OSBPL1A: variants seen among roughly 807,000 people sequenced by gnomAD.
The protein encoded by OSBPL1A is oxysterol-binding protein-related protein 1.
OSBPL1A carries 80 observed loss-of-function variants against 137.1 expected under a neutral mutation model. That is an observed-to-expected ratio of 0.58 (90% CI 0.49 to 0.70). The LOEUF (loss-of-function observed/expected upper bound fraction) is 0.70, where lower values mean the gene tolerates loss of function less well. Among genes scored for constraint, OSBPL1A ranks in the 30% least tolerant of loss-of-function variants. The probability of loss-of-function intolerance (pLI) is 0.00; values close to 1 mark genes in which losing one functional copy is unlikely to be tolerated. For missense variants in OSBPL1A, 970 were observed against 1,129.4 expected (o/e 0.86, Z 2.02); for synonymous variants, 365 against 389.7 (o/e 0.94, Z 0.75).
At chr18:24,334,863 T>G (rs1017603399) in intron 5 of OSBPL1A, among the ~76,000 whole-genome samples, 3 of 152,210 alleles carry the variant, frequency 2.0e-5, no homozygotes, top group Non-Finnish European at 4.4e-5. Context: ...AATTCCTCCT[T>G]TGCAGCCTCT....
intron 17 of OSBPL1A, among the ~76,000 whole-genome samples, chr18:24,199,506 GTA>G (rs1207848105): frequency 1.3e-5 from 2 of 152,040 alleles, no homozygotes; most frequent in Non-Finnish European, 2.9e-5. Context: ...CCCCCAAACA[GTA>G]TGTAAACTCC....
chr18:24,365,471 C>T (rs2091691000), intron 4 of OSBPL1A, among the ~76,000 whole-genome samples: 1 of 151,948 alleles, frequency 6.6e-6, no homozygotes, highest in African/African-American at 2.4e-5. Flanking sequence ...GTAATCCCAG[C>T]TACTTGGGAG....
At chr18:24,396,993 A>AAT (rs777955981) in intron 1 of OSBPL1A, among the ~76,000 whole-genome samples, 11 of 152,212 alleles carry the variant, frequency 7.2e-5, no homozygotes, top group Non-Finnish European at 1.5e-4. Flanking sequence ...TTAAGCTAAG[A>AAT]ATATCACACT....
intron 4 of OSBPL1A, among the ~76,000 whole-genome samples, chr18:24,365,509 G>A (rs961894978): frequency 2.6e-5 from 4 of 151,932 alleles, no homozygotes; most frequent in Middle Eastern, 3.4e-3. Context: ...GCTTGAACCC[G>A]GGAGACAGAA....
intron 17 of OSBPL1A, among the ~76,000 whole-genome samples, chr18:24,215,020 G>C (rs1021827816): frequency 6.6e-6 from 1 of 152,192 alleles, no homozygotes; most frequent in African/African-American, 2.4e-5. Context: ...TACCATCAGA[G>C]GGATAGAATT....
intron 1 of OSBPL1A, among the ~76,000 whole-genome samples, chr18:24,390,382 A>G (rs893843107): frequency 2.0e-5 from 3 of 152,240 alleles, no homozygotes; most frequent in African/African-American, 7.2e-5. Flanking sequence ...GACATATACA[A>G]GGGAATATAA....
rs1392874399 is a variant in OSBPL1A at position 24,170,451 on chromosome 18, T to C, written c.2294A>G (p.Lys765Arg). 2 of 1,614,072 alleles carry C rather than the reference T, an allele frequency of 1.2e-6. No individual in the cohort carries two copies. Among genetic ancestry groups the C allele is most frequent in the Admixed American group, 1.7e-5 (1 of 59,952 alleles). The change falls in exon 24 of 28, where the codon AAA (lysine) becomes AGA (arginine). Residue 765 changes from lysine (K) to arginine (R), a missense_variant and splice_region_variant. Lys to Arg is a conservative substitution (Grantham distance 26, BLOSUM62 2). Transcript: ENST00000319481. ...CCCATAGAGGGCACAGAGCTTCTTT[T>C]TGCTGTCAAGAAAAACTGATGTTTA... ...KVEGYIQDKS[K>R]KKLCALYGKW...
chr18:24,201,840 T>A (rs944428441), intron 17 of OSBPL1A, among the ~76,000 whole-genome samples: 6 of 152,116 alleles, frequency 3.9e-5, no homozygotes, highest in Non-Finnish European at 5.9e-5. Flanking sequence ...ATCTCCTTTA[T>A]CTACCCGCTG....
Position 24,293,989 on chromosome 18 carries a change from A to T in OSBPL1A, c.1174+9648T>A, listed in dbSNP as rs190168641. Among the ~76,000 whole-genome samples the T allele has an allele frequency of 2.2e-3, 328 of 152,270 alleles. 1 individual carries two copies. The highest frequency in any genetic ancestry group is 3.6e-3 in the Non-Finnish European group (247 of 68,024). On this transcript the variant is annotated intron_variant, in intron 14 of 27. Transcript: ENST00000319481. ...AGAAAGTGGTAAGTTTGTTTACTCA[A>T]AGCCCAGATTTTGAGGAAACAGTTT...
At chr18:24,174,250 G>A (rs2086368261) in intron 21 of OSBPL1A, among the ~76,000 whole-genome samples, 1 of 152,196 alleles carries the variant, frequency 6.6e-6, no homozygotes, top group African/African-American at 2.4e-5. Flanking sequence ...ATACCTAGGT[G>A]TGATATTGCT....
chr18:24,283,196 T>C (rs2089994689), intron 14 of OSBPL1A, among the ~76,000 whole-genome samples: 1 of 142,872 alleles, frequency 7.0e-6, no homozygotes, highest in African/African-American at 2.6e-5. Flanking sequence ...ACCTGGGACG[T>C]GGAGGTTGCA....
chr18:24,221,494 A>G (rs1489822015), intron 17 of OSBPL1A, among the ~76,000 whole-genome samples: 1 of 152,244 alleles, frequency 6.6e-6, no homozygotes, highest in Admixed American at 6.5e-5. Context: ...AAAAGTCCCT[A>G]TCATATTTCT....
chr18:24,244,707 T>TC (rs1435326349), intron 15 of OSBPL1A, among the ~76,000 whole-genome samples: 1 of 152,138 alleles, frequency 6.6e-6, no homozygotes, highest in Non-Finnish European at 1.5e-5. Context: ...GAAGGCAAAA[T>TC]CCATAGTGGC....
At chr18:24,368,423 A>G (rs749185921) in intron 2 of OSBPL1A, 51 bp from the exon 3 acceptor site, 2 of 1,369,302 alleles carry the variant, frequency 1.5e-6, no homozygotes, top group Non-Finnish European at 2.1e-6. Context: ...AGGTAATTTT[A>G]CAACGAAATT....
chr18:24,189,020 T>C (rs1300256054), intron 18 of OSBPL1A, among the ~76,000 whole-genome samples: 5 of 152,224 alleles, frequency 3.3e-5, no homozygotes, highest in Non-Finnish European at 5.9e-5. Flanking sequence ...TAGAAACTTC[T>C]ATCATTGAGA....
At chr18:24,261,238 C>T (rs2089439194) in intron 15 of OSBPL1A, among the ~76,000 whole-genome samples, 1 of 152,068 alleles carries the variant, frequency 6.6e-6, no homozygotes, top group Admixed American at 6.6e-5. Context: ...CTGATCAATA[C>T]TTGCCTGTGG....
chr18:24,317,209 A>G lies in OSBPL1A; in HGVS notation c.810T>C (p.Pro270=). 6.2e-7 allele frequency: 1 copy of G among 1,613,842 alleles called. No individual in the cohort carries two copies. Among genetic ancestry groups the G allele is most frequent in the Non-Finnish European group, 8.5e-7 (1 of 1,179,788 alleles). The part of the protein sequence containing the change: ...HGVLSWYRKQ[P]DAVHNIYRQG... ...GGCGATAAATATTATGAACTGCATCAGGCCTTCAAAATAAAAATGAAATTA... is the reference window on the plus strand; with the variant it reads ...GGCGATAAATATTATGAACTGCATCGGGCCTTCAAAATAAAAATGAAATTA... Residue 270 remains proline (P), a synonymous_variant, in exon 11 of 28, where the codon CCT becomes CCC. Coordinates refer to ENST00000319481, the MANE Select transcript of OSBPL1A (RefSeq NM_080597.4).
intron 1 of OSBPL1A, among the ~76,000 whole-genome samples, chr18:24,392,802 C>T (rs1303711609): frequency 1.3e-5 from 2 of 152,104 alleles, no homozygotes; most frequent in Admixed American, 6.5e-5. Context: ...GCAATCCTCC[C>T]ATCTTGGCCT....
At chr18:24,362,036 A>T (rs2146187696) in intron 4 of OSBPL1A, among the ~76,000 whole-genome samples, 1 of 151,850 alleles carries the variant, frequency 6.6e-6, no homozygotes, top group Non-Finnish European at 1.5e-5. Context: ...GACAAAAATA[A>T]CACTAATACA....
Sources: allele counts gnomAD v4.1 joint callset (sites outside exome capture counted in the v4.1 genomes callset), GRCh38; gene constraint gnomAD v4.1.1; transcripts MANE v1.5; gene names NCBI Gene and HGNC (gene_info 2026-07-23, HGNC 2026-07-21).